SEC14L6: variants seen among roughly 807,000 people sequenced by gnomAD.
SEC14L6 encodes the protein SEC14-like protein 6.
In SEC14L6, 40 loss-of-function variants were observed where a neutral mutation model predicts 54.1. That is an observed-to-expected ratio of 0.74 (90% CI 0.57 to 0.96). The LOEUF (loss-of-function observed/expected upper bound fraction) is 0.96, where lower values mean the gene tolerates loss of function less well. SEC14L6 is among the 40% of genes least tolerant of loss of function. SEC14L6 has a pLI of 0.00. For synonymous variants in SEC14L6, 171 were observed against 198.4 expected (o/e 0.86, Z 1.16); for missense variants, 471 against 498.3 (o/e 0.95, Z 0.52).
intron 8 of SEC14L6, among the ~76,000 whole-genome samples, chr22:30,527,394 T>TA (rs1936811662): frequency 6.6e-6 from 1 of 152,060 alleles, no homozygotes; most frequent in Non-Finnish European, 1.5e-5. Flanking sequence ...TAACCCAATG[T>TA]AAAATAATAA....
chr22:30,532,094 T>G, intron 5 of SEC14L6, 96 bp from the exon 6 acceptor site: 1 of 1,483,438 alleles, frequency 6.7e-7, no homozygotes, highest in South Asian at 1.4e-5. Context: ...CTGGCCTGGC[T>G]TGTCTCAGCT....
At chr22:30,542,301 C>T (rs1345620142) in intron 1 of SEC14L6, among the ~76,000 whole-genome samples, 3 of 152,172 alleles carry the variant, frequency 2.0e-5, no homozygotes, top group Admixed American at 6.5e-5. Context: ...GGCAGACACC[C>T]CCCCACCCCC....
intron 1 of SEC14L6, among the ~76,000 whole-genome samples, chr22:30,541,435 G>A (rs2085708073): frequency 6.6e-6 from 1 of 152,208 alleles, no homozygotes; most frequent in South Asian, 2.1e-4. Context: ...GAGGTGGGTG[G>A]ATCACTTGAG....
chr22:30,532,845 G>A lies in SEC14L6; in HGVS notation c.186C>T (p.Phe62=). Residue 62 remains phenylalanine (F), a synonymous_variant, in exon 4 of 12, where the codon TTC becomes TTT. Transcript: ENST00000402034. ...SEDMLRKHME[F]RKQQDLANIL... ...TGTTGGCCAGGTCTTGTTGCTTCCG[G>A]AACTCCATATGCTGCAGAGACACGG... is the stretch of plus-strand genomic sequence containing the variant. 1 of 1,613,688 alleles carries A rather than the reference G, an allele frequency of 6.2e-7. No individual in the cohort carries two copies. Among genetic ancestry groups the A allele is most frequent in the Non-Finnish European group, 8.5e-7 (1 of 1,179,910 alleles).
At chr22:30,525,197 C>A (rs1936723890) in intron 11 of SEC14L6, 88 bp from the exon 12 acceptor site, 6 of 1,286,902 alleles carry the variant, frequency 4.7e-6, no homozygotes, top group African/African-American at 1.5e-5. Flanking sequence ...GTACCCAGAC[C>A]AGGGAACCAT....
chr22:30,527,552 T>C (rs1376809048), intron 8 of SEC14L6, among the ~76,000 whole-genome samples: 1 of 151,722 alleles, frequency 6.6e-6, no homozygotes, highest in African/African-American at 2.4e-5. Context: ...CTGAAAAAGT[T>C]ATCAAAAGTC....
chr22:30,544,873 G>A (rs1218934727), intron 1 of SEC14L6, among the ~76,000 whole-genome samples: 1 of 152,104 alleles, frequency 6.6e-6, no homozygotes, highest in Admixed American at 6.5e-5. Flanking sequence ...TGAAACTGAG[G>A]TGTTAGAAAA....
chr22:30,543,933 C>T, intron 1 of SEC14L6: 2 of 1,606,186 alleles, frequency 1.2e-6, no homozygotes, highest in Non-Finnish European at 1.7e-6. Context: ...AGTATGCCAG[C>T]ATTCAGACCA....
intron 8 of SEC14L6, among the ~76,000 whole-genome samples, chr22:30,528,661 C>G (rs1936861828): frequency 6.7e-6 from 1 of 149,080 alleles, no homozygotes; most frequent in African/African-American, 2.5e-5. Context: ...TGAGCTCAAG[C>G]AATCTTCCTG....
rs1004477174 is a variant in SEC14L6, at chr22:30,543,649, G to A, written c.54+2980C>T. 1.3e-5 allele frequency: 21 copies of A among 1,612,790 alleles called. No individual in the cohort carries two copies. The Admixed American group carries it at 1.3e-4, about 10-fold the overall frequency. ...CCTGAAGGAGCAGAGCTCAAATACCGCCGCTGAGAACACTGGACCTAATGA... is the reference window on the plus strand; with the variant it reads ...CCTGAAGGAGCAGAGCTCAAATACCACCGCTGAGAACACTGGACCTAATGA... On this transcript the variant is annotated intron_variant, in intron 1 of 11. Coordinates refer to ENST00000402034, the MANE Select transcript of SEC14L6 (RefSeq NM_001193336.4).
At chr22:30,526,053 CT>C in intron 8 of SEC14L6, 121 bp from the exon 9 acceptor site, 2 of 1,167,608 alleles carry the variant, frequency 1.7e-6, no homozygotes, top group Non-Finnish European at 2.5e-6. Flanking sequence ...GCTTTTGCCA[CT>C]CCATTGCCTA....
At position 30,546,705 on chromosome 22, in the gene SEC14L6, C is replaced by CTCCA. The variant is rs750664669; in HGVS notation, c.-27_-24dup. On this transcript the variant is annotated 5_prime_UTR_variant, in exon 1 of 12. In the 5' UTR this introduces an upstream ATG that the reference lacks. Transcript: ENST00000402034. ...CATGCTGCCCATGAATGGGTCCAGGCTCCACTCTGTGGCTCCCTCCAGGTG... is the reference window on the plus strand; with the variant it reads ...CATGCTGCCCATGAATGGGTCCAGGCTCCATCCACTCTGTGGCTCCCTCCAGGTG... The CTCCA allele has an allele frequency of 6.5e-7, 1 of 1,549,078 alleles. No homozygotes were observed. The highest frequency in any genetic ancestry group is 1.2e-5 in the South Asian group (1 of 83,974).
At chr22:30,542,511 T>G (rs2085738347) in intron 1 of SEC14L6, 3 of 804,502 alleles carry the variant, frequency 3.7e-6, no homozygotes, top group Non-Finnish European at 5.4e-6. Context: ...ACCCGGCCTC[T>G]GGGCAGCCCC....
intron 6 of SEC14L6, among the ~76,000 whole-genome samples, chr22:30,530,126 T>C (rs1217838623): frequency 6.6e-6 from 1 of 152,024 alleles, no homozygotes; most frequent in Non-Finnish European, 1.5e-5. Flanking sequence ...AACTGAGATA[T>C]TGTCCGGGCG....
At chr22:30,528,119 C>CTTTTTTT (rs1201756831) in intron 8 of SEC14L6, among the ~76,000 whole-genome samples, 1 of 117,682 alleles carries the variant, frequency 8.5e-6, no homozygotes, top group African/African-American at 3.2e-5. Context: ...ACCTAGATTT[C>CTTTTTTT]TTTTTTTTTT....
In SEC14L6 at chr22:30,532,790, T is replaced by G. The variant is rs751646266; in HGVS notation, c.234+7A>C. On this transcript the variant is annotated splice_region_variant and intron_variant, in intron 4 of 11. Coordinates refer to ENST00000402034, the MANE Select transcript of SEC14L6 (RefSeq NM_001193336.4). Reference sequence around the variant, plus strand: ...GGGATCAGGGTATGGGTTTGAGAGATGCTCACCTCTGGGGGCTGCCAGGCA... The same window carrying G: ...GGGATCAGGGTATGGGTTTGAGAGAGGCTCACCTCTGGGGGCTGCCAGGCA... The G allele has an allele frequency of 3.7e-6, 6 of 1,612,642 alleles. No homozygotes were observed. In the Admixed American group the frequency reaches 1.0e-4, roughly 27 times the overall value.
chr22:30,539,914 G>A (rs2085669230), intron 1 of SEC14L6, among the ~76,000 whole-genome samples: 1 of 152,218 alleles, frequency 6.6e-6, no homozygotes, highest in Admixed American at 6.5e-5. Flanking sequence ...GGCCACTCCT[G>A]GGTGGATGTC....
intron 1 of SEC14L6, chr22:30,543,840 A>G (rs2085767214): frequency 3.3e-6 from 5 of 1,513,170 alleles, no homozygotes; most frequent in Non-Finnish European, 4.6e-6. Context: ...CCCAGGACAC[A>G]AATGATATCA....
chr22:30,544,117 A>C, intron 1 of SEC14L6: 2 of 1,349,026 alleles, frequency 1.5e-6, no homozygotes, highest in Non-Finnish European at 1.0e-6. Flanking sequence ...ACCCATCTCC[A>C]TGCTCTTCCT....
Sources: gnomAD v4.1 joint callset for allele counts (sites outside exome capture counted in the v4.1 genomes callset) on GRCh38, gnomAD v4.1.1 for gene constraint, MANE v1.5 for transcripts, NCBI Gene and HGNC (gene_info 2026-07-23, HGNC 2026-07-21) for gene names.